Variants in GLI3 observed in about 807,000 individuals in gnomAD.
The protein encoded by GLI3 is transcription activator GLI3.
GLI3 carries 20 observed loss-of-function variants against 100.8 expected under a neutral mutation model. That is an observed-to-expected ratio of 0.20 (90% confidence interval 0.14 to 0.29). GLI3 has a LOEUF of 0.29. Ranked by LOEUF, GLI3 falls within the 10% of genes least tolerant of loss-of-function variation. GLI3 has a pLI of 1.00. For synonymous variants in GLI3, 938 were observed against 860.5 expected (o/e 1.09, Z -1.58); for missense variants, 2,040 against 2,128.5 (o/e 0.96, Z 0.82).
rs1452391138 is a variant in GLI3, at chr7:41,962,116, T to A, written c.*2214A>T. The A allele has an allele frequency of 6.6e-6, 1 of 151,996 alleles. No individual in the cohort carries two copies. The highest frequency in any genetic ancestry group is 1.5e-5 in the Non-Finnish European group (1 of 68,042). The allele number at this position is 151,996 out of a possible 1,614,324, so 9.4% of individuals were successfully genotyped here. A position where few individuals can be genotyped will look rare whatever the true frequency, so the allele number is the denominator to read the frequency against. ...GGAAGGACAAAGCTGATACAGGAAA[T>A]AATGGTAACTGAGAAATGGAGGTTG... On this transcript the variant is annotated 3_prime_UTR_variant, in exon 15 of 15. Coordinates refer to ENST00000395925, the MANE Select transcript of GLI3 (RefSeq NM_000168.6).
At position 41,978,424 on chromosome 7, in the gene GLI3, C is replaced by A. The variant is rs74576558; in HGVS notation, c.1647+175G>T. On this transcript the variant is annotated intron_variant, in intron 11 of 14. Transcript: ENST00000395925. The stretch of plus-strand genomic sequence containing the variant: ...ACTGCCCCCTTGCCACTGTGCAGAG[C>A]TGCGCTGTCCAACTCAGTCACTCAA... Among the ~76,000 whole-genome samples, 151 of 152,316 alleles carry A rather than the reference C, an allele frequency of 9.9e-4. 3 individuals are homozygous for A. The East Asian group carries it at 0.028, about 28-fold the overall frequency.
At chr7:42,069,620 G>A in intron 4 of GLI3, among the ~76,000 whole-genome samples, 1 of 152,144 alleles carries the variant, frequency 6.6e-6, no homozygotes, top group Non-Finnish European at 1.5e-5. Flanking sequence ...ATGACACATG[G>A]CATTGCTCAT....
chr7:42,123,311 G>A lies in GLI3; in HGVS notation c.367+24915C>T, dbSNP rs368176375. On this transcript the variant is annotated intron_variant, in intron 3 of 14. Coordinates refer to ENST00000395925, the MANE Select transcript of GLI3 (RefSeq NM_000168.6). ...AAGACCTTCCTTTAAAAGACATGCA[G>A]TGTCTTGACCAAAGAGTAATGATAG... Among the ~76,000 whole-genome samples, 17 of 152,300 alleles carry A rather than the reference G, an allele frequency of 1.1e-4. No homozygotes were observed. In the South Asian group the frequency reaches 3.3e-3, roughly 30 times the overall value.
chr7:42,209,150 T>G (rs1305489687), intron 2 of GLI3, among the ~76,000 whole-genome samples: 1 of 152,080 alleles, frequency 6.6e-6, no homozygotes, highest in Non-Finnish European at 1.5e-5. Flanking sequence ...GATCTCCTGG[T>G]TCAAGTGATC....
At chr7:42,158,594 A>G (rs1416997061) in intron 2 of GLI3, among the ~76,000 whole-genome samples, 3 of 151,800 alleles carry the variant, frequency 2.0e-5, no homozygotes, top group Admixed American at 6.6e-5. Context: ...GGTTCAAGCC[A>G]TTCTCCTGCC....
intron 2 of GLI3, among the ~76,000 whole-genome samples, chr7:42,150,962 T>C (rs1256327523): frequency 6.6e-6 from 1 of 152,116 alleles, no homozygotes; most frequent in African/African-American, 2.4e-5. Context: ...ACCTTTTAGC[T>C]CAATGATTTT....
rs1009946641 is a variant in GLI3, at chr7:41,961,205, AT to A, written c.*3124del. ...TTTTAAAAAAAGGATTACACATTTTATTTTTTAAAAAAATCTAAAAAAGGTG... is the reference window on the plus strand; with the variant it reads ...TTTTAAAAAAAGGATTACACATTTTATTTTTAAAAAAATCTAAAAAAGGTG... On this transcript the variant is annotated 3_prime_UTR_variant, in exon 15 of 15. Coordinates refer to ENST00000395925, the MANE Select transcript of GLI3 (RefSeq NM_000168.6). 2.0e-5 allele frequency: 3 copies of A among 152,590 alleles called. No individual in the cohort carries two copies. The highest frequency in any genetic ancestry group is 4.8e-5 in the African/African-American group (2 of 41,446). 9.5% of individuals were successfully genotyped at this position (152,590 alleles called of 1,614,324 possible). A position where few individuals can be genotyped will look rare whatever the true frequency, so the allele number is the denominator to read the frequency against.
intron 2 of GLI3, among the ~76,000 whole-genome samples, chr7:42,169,200 C>A (rs1482349381): frequency 1.3e-5 from 2 of 152,106 alleles, no homozygotes; most frequent in Admixed American, 6.6e-5. Flanking sequence ...TTCACAAGCA[C>A]CATTATTTTT....
At chr7:42,073,268 TA>T (rs1227546330) in intron 4 of GLI3, among the ~76,000 whole-genome samples, 2 of 152,218 alleles carry the variant, frequency 1.3e-5, no homozygotes, top group African/African-American at 4.8e-5. Flanking sequence ...AAACTGTGGA[TA>T]ACACCGTAAG....
Position 42,094,391 on chromosome 7 carries a change from T to G in GLI3, c.368-17534A>C, listed in dbSNP as rs189869552. On this transcript the variant is annotated intron_variant, in intron 3 of 14. Coordinates refer to ENST00000395925, the MANE Select transcript of GLI3 (RefSeq NM_000168.6). ...GCTGAGGCAGGTGGATCACTTGAGGTCCGGAGTTCAAGACCAGCCTGGACA... is the reference window on the plus strand; with the variant it reads ...GCTGAGGCAGGTGGATCACTTGAGGGCCGGAGTTCAAGACCAGCCTGGACA... 3.0e-3 allele frequency among the ~76,000 whole-genome samples: 456 copies of G among 151,870 alleles called. 3 individuals are homozygous for G. Among genetic ancestry groups the G allele is most frequent in the African/African-American group, 0.011 (436 of 41,402 alleles).
At chr7:42,021,368 T>C (rs1788937306) in intron 10 of GLI3, among the ~76,000 whole-genome samples, 1 of 152,214 alleles carries the variant, frequency 6.6e-6, no homozygotes, top group South Asian at 2.1e-4. Flanking sequence ...TTCATATTTT[T>C]TAAAGACCAT....
At chr7:42,069,988 G>A (rs911640064) in intron 4 of GLI3, among the ~76,000 whole-genome samples, 3 of 152,222 alleles carry the variant, frequency 2.0e-5, no homozygotes, top group Non-Finnish European at 2.9e-5. Flanking sequence ...GGTATCTGAA[G>A]GAAGAAGGCT....
intron 10 of GLI3, among the ~76,000 whole-genome samples, chr7:42,010,607 GA>G (rs1379520850): frequency 6.6e-6 from 1 of 152,170 alleles, no homozygotes; most frequent in Non-Finnish European, 1.5e-5. Flanking sequence ...AAACATGTGG[GA>G]AAATATCAAA....
At chr7:41,999,706 A>G (rs180937158) in intron 10 of GLI3, among the ~76,000 whole-genome samples, 32 of 152,320 alleles carry the variant, frequency 2.1e-4, no homozygotes, top group Admixed American at 1.1e-3. Flanking sequence ...CTTGAATTTG[A>G]TAACATCCAA....
At chr7:42,048,429 C>T in intron 5 of GLI3, 62 bp downstream of exon 5, 1 of 1,100,542 alleles carries the variant, frequency 9.1e-7, no homozygotes, top group East Asian at 2.4e-5. Flanking sequence ...TATACACGTC[C>T]CGAGTGAGGA....
At chr7:42,119,565 C>G (rs1200556187) in intron 3 of GLI3, among the ~76,000 whole-genome samples, 1 of 152,160 alleles carries the variant, frequency 6.6e-6, no homozygotes, top group Non-Finnish European at 1.5e-5. Context: ...AGCTGGGTCC[C>G]TTCCCTGCAT....
At chr7:41,977,971 G>C (rs956547818) in intron 11 of GLI3, 2 of 545,370 alleles carry the variant, frequency 3.7e-6, no homozygotes, top group Non-Finnish European at 6.6e-6. Context: ...GCTCAATGTG[G>C]ACAATGGGTT....
Position 41,964,300 on chromosome 7 carries a change from C to A in GLI3, c.*30G>T, listed in dbSNP as rs77886553. 78,512 of 1,604,184 alleles carry A rather than the reference C, an allele frequency of 0.049. 2,175 individuals are homozygous for A. The highest frequency in any genetic ancestry group is 0.056 in the Non-Finnish European group (65,729 of 1,171,082). ...TAATCTCTTCAACTCCTATTGATTT[C>A]CGTTGGTTGCAGTCTTTTTTTCCTA... On this transcript the variant is annotated 3_prime_UTR_variant, in exon 15 of 15. Transcript: ENST00000395925.
At chr7:42,210,141 A>G (rs559835186) in intron 2 of GLI3, among the ~76,000 whole-genome samples, 2 of 152,180 alleles carry the variant, frequency 1.3e-5, no homozygotes, top group East Asian at 3.9e-4. Flanking sequence ...GCTGTCGAAC[A>G]TGGTTCATTT....
Sources: allele counts gnomAD v4.1 joint callset (sites outside exome capture counted in the v4.1 genomes callset), GRCh38; gene constraint gnomAD v4.1.1; transcripts MANE v1.5; gene names NCBI Gene and HGNC (gene_info 2026-07-23, HGNC 2026-07-21).